KCNK13: variants seen among roughly 807,000 people sequenced by gnomAD.
KCNK13 encodes potassium channel subfamily K member 13.
KCNK13 carries 12 observed loss-of-function variants against 23.4 expected under a neutral mutation model. That is an observed-to-expected ratio of 0.51 (90% CI 0.33 to 0.83). The LOEUF (loss-of-function observed/expected upper bound fraction) is 0.83, where lower values mean the gene tolerates loss of function less well. Among genes scored for constraint, KCNK13 ranks in the 40% least tolerant of loss-of-function variants. The pLI, the probability that KCNK13 is intolerant of heterozygous loss-of-function variation, is 0.02. For synonymous variants in KCNK13, 231 were observed against 229.5 expected (o/e 1.01, Z -0.06); for missense variants, 463 against 556.3 (o/e 0.83, Z 1.69).
chr14:90,085,786 TTATATACTTTATATTATATATTATATTA>T (rs1889266641), intron 1 of KCNK13, among the ~76,000 whole-genome samples: 1 of 97,178 alleles, frequency 1.0e-5, no homozygotes, highest in African/African-American at 4.3e-5. Flanking sequence ...ATATTATATA[TTATATACTTTATATTATATATTATATTA>T]TATATTATAT....
chr14:90,065,788 A>C (rs1889000458), intron 1 of KCNK13, among the ~76,000 whole-genome samples: 1 of 152,178 alleles, frequency 6.6e-6, no homozygotes, highest in African/African-American at 2.4e-5. Context: ...CTGCTGTTGG[A>C]AATGAGGCCA....
chr14:90,150,068 G>A (rs557303599), intron 1 of KCNK13, among the ~76,000 whole-genome samples: 2 of 152,036 alleles, frequency 1.3e-5, no homozygotes, highest in African/African-American at 4.8e-5. Flanking sequence ...ATACATAAGC[G>A]CTCAGAAGAG....
At chr14:90,075,490 T>C (rs1020653299) in intron 1 of KCNK13, among the ~76,000 whole-genome samples, 4 of 152,160 alleles carry the variant, frequency 2.6e-5, no homozygotes, top group Admixed American at 2.0e-4. Flanking sequence ...TGGACTTTTC[T>C]TTTTTTGAAA....
At chr14:90,107,521 T>C (rs1019649892) in intron 1 of KCNK13, among the ~76,000 whole-genome samples, 1 of 152,334 alleles carries the variant, frequency 6.6e-6, no homozygotes, top group African/African-American at 2.4e-5. Flanking sequence ...CCTCAACTTA[T>C]AGGGCAGTTG....
chr14:90,148,435 A>C (rs1890098301), intron 1 of KCNK13, among the ~76,000 whole-genome samples: 1 of 152,224 alleles, frequency 6.6e-6, no homozygotes, highest in Non-Finnish European at 1.5e-5. Context: ...CAAACAGATC[A>C]TTTCATATGG....
In KCNK13 at chr14:90,087,104, T is replaced by A. The variant is rs533855947; in HGVS notation, c.334+24565T>A. On this transcript the variant is annotated intron_variant, in intron 1 of 1. Coordinates refer to ENST00000282146, the MANE Select transcript of KCNK13 (RefSeq NM_022054.4). ...TTAGCCTTAATTTTATTATTTCATT[T>A]TATATATATATACATATATATATAC... 5.8e-3 allele frequency among the ~76,000 whole-genome samples: 819 copies of A among 142,302 alleles called. 6 individuals are homozygous for A. The highest frequency in any genetic ancestry group is 0.02 in the African/African-American group (763 of 38,536). The allele number at this position is 142,302 out of a possible 152,430, so 93.4% of individuals were successfully genotyped here. A position where few individuals can be genotyped will look rare whatever the true frequency, so the allele number is the denominator to read the frequency against.
chr14:90,178,231 C>CAAAAAAAAAAA (rs34726346), intron 1 of KCNK13, among the ~76,000 whole-genome samples: 1 of 75,072 alleles, frequency 1.3e-5, no homozygotes, highest in Non-Finnish European at 2.5e-5. Context: ...TTCCTAAAAG[C>CAAAAAAAAAAA]AAAAAAAAAA....
At chr14:90,143,180 C>CTTTCTTTCTTTCTTTCTTTTCTT (rs1555352150) in intron 1 of KCNK13, among the ~76,000 whole-genome samples, 2 of 26,518 alleles carry the variant, frequency 7.5e-5, no homozygotes, top group African/African-American at 1.6e-4. Flanking sequence ...TCTTTCTTTT[C>CTTTCTTTCTTTCTTTCTTTTCTT]TTTTCTTTTC....
chr14:90,160,674 C>G (rs1002625091), intron 1 of KCNK13, among the ~76,000 whole-genome samples: 3 of 151,938 alleles, frequency 2.0e-5, no homozygotes, highest in Non-Finnish European at 4.4e-5. Context: ...GAAACCCCAT[C>G]TCTACTAAAA....
At chr14:90,104,169 C>T (rs934219641) in intron 1 of KCNK13, among the ~76,000 whole-genome samples, 3 of 152,164 alleles carry the variant, frequency 2.0e-5, no homozygotes, top group Non-Finnish European at 4.4e-5. Flanking sequence ...GAATTTTTCT[C>T]TTCTCAGCCG....
chr14:90,109,081 G>A lies in KCNK13; in HGVS notation c.334+46542G>A, dbSNP rs1355748003. 3.3e-5 allele frequency among the ~76,000 whole-genome samples: 5 copies of A among 151,988 alleles called. No individual in the cohort carries two copies. The East Asian group carries it at 9.8e-4, about 30-fold the overall frequency. ...AGTCCCAGCTACTCGGGAGGCTGAG[G>A]CAGGAGCATGGCGTGAACCCGGGAG... On this transcript the variant is annotated intron_variant, in intron 1 of 1. Coordinates refer to ENST00000282146, the MANE Select transcript of KCNK13 (RefSeq NM_022054.4).
rs113992652 is a variant in KCNK13 at position 90,180,918 on chromosome 14, G to A, written c.335-3193G>A. The stretch of plus-strand genomic sequence containing the variant: ...TGTCACCAGGCTGGAGTGCGGTGGC[G>A]CAATCTTGGCTCACTACAACCTCCA... On this transcript the variant is annotated intron_variant, in intron 1 of 1. Transcript: ENST00000282146. Among the ~76,000 whole-genome samples, 341 of 152,036 alleles carry A rather than the reference G, an allele frequency of 2.2e-3. 2 individuals carry two copies. The highest frequency in any genetic ancestry group is 7.5e-3 in the African/African-American group (309 of 41,436).
intron 1 of KCNK13, among the ~76,000 whole-genome samples, chr14:90,139,524 G>A (rs531662160): frequency 2.4e-4 from 19 of 78,940 alleles, no homozygotes; most frequent in African/African-American, 6.5e-4. Flanking sequence ...TTTGTACAGC[G>A]TGGTGCCGTT....
chr14:90,100,714 C>T (rs577236194), intron 1 of KCNK13, among the ~76,000 whole-genome samples: 3 of 152,106 alleles, frequency 2.0e-5, no homozygotes, highest in Admixed American at 6.6e-5. Flanking sequence ...TTTCTTGGGA[C>T]GGGGCCTTGC....
chr14:90,078,660 G>A (rs1370896421), intron 1 of KCNK13, among the ~76,000 whole-genome samples: 5 of 152,120 alleles, frequency 3.3e-5, no homozygotes, highest in Admixed American at 6.5e-5. Context: ...ACACAGGGAT[G>A]TAGTTGTGCT....
At chr14:90,127,817 T>TTAA (rs767511019) in intron 1 of KCNK13, among the ~76,000 whole-genome samples, 1 of 85,156 alleles carries the variant, frequency 1.2e-5, no homozygotes, top group Non-Finnish European at 2.2e-5. Flanking sequence ...AGATGCTATC[T>TTAA]AAAAAAAAAA....
chr14:90,149,268 A>C (rs189243529), intron 1 of KCNK13, among the ~76,000 whole-genome samples: 20 of 152,290 alleles, frequency 1.3e-4, no homozygotes, highest in Admixed American at 1.3e-3. Context: ...AGGCAGGAGA[A>C]TCCCTTGAAC....
At chr14:90,097,797 T>C (rs1023061624) in intron 1 of KCNK13, among the ~76,000 whole-genome samples, 2 of 151,890 alleles carry the variant, frequency 1.3e-5, no homozygotes, top group African/African-American at 4.8e-5. Flanking sequence ...AACAAGACAA[T>C]GGCAATGAAC....
chr14:90,132,434 C>G (rs1360642292), intron 1 of KCNK13, among the ~76,000 whole-genome samples: 1 of 151,822 alleles, frequency 6.6e-6, no homozygotes, highest in East Asian at 1.9e-4. Context: ...ATCCCAGCTA[C>G]TCAGGAGGCT....
Sources: gnomAD v4.1 joint callset for allele counts (sites outside exome capture counted in the v4.1 genomes callset) on GRCh38, gnomAD v4.1.1 for gene constraint, MANE v1.5 for transcripts, NCBI Gene and HGNC (gene_info 2026-07-23, HGNC 2026-07-21) for gene names.